CSNK2A2IP: variants seen among roughly 807,000 people sequenced by gnomAD.
CSNK2A2IP encodes casein kinase II subunit alpha'-interacting protein.
the CSNK2A2IP span, among the ~76,000 whole-genome samples, chr3:88,353,843 G>GT: frequency 6.6e-6 from 1 of 152,162 alleles, no homozygotes; most frequent in Non-Finnish European, 1.5e-5. Context: ...TTAGCTGTAT[G>GT]TAAGTCATTA....
the CSNK2A2IP span, among the ~76,000 whole-genome samples, chr3:88,435,808 A>G: frequency 3.3e-5 from 5 of 152,248 alleles, no homozygotes; most frequent in Middle Eastern, 6.8e-3. Context: ...TAAAGATTAT[A>G]GATCTGAATC....
the CSNK2A2IP span, among the ~76,000 whole-genome samples, chr3:88,457,220 G>A: frequency 3.5e-4 from 53 of 152,208 alleles, no homozygotes; most frequent in Admixed American, 2.0e-3. Context: ...CACTTTTAAA[G>A]AGTACTGTTA....
At chr3:88,385,496 C>T in the CSNK2A2IP span, among the ~76,000 whole-genome samples, 1 of 144,818 alleles carries the variant, frequency 6.9e-6, no homozygotes, top group African/African-American at 2.4e-5. Context: ...CAGTAGTAAA[C>T]AACTATGAAA....
At chr3:88,397,571 A>T in the CSNK2A2IP span, among the ~76,000 whole-genome samples, 1 of 152,174 alleles carries the variant, frequency 6.6e-6, no homozygotes, top group African/African-American at 2.4e-5. Flanking sequence ...GTAGTGTATC[A>T]CTAGAAAGAT....
the CSNK2A2IP span, among the ~76,000 whole-genome samples, chr3:88,395,626 T>C: frequency 6.6e-6 from 1 of 152,230 alleles, no homozygotes; most frequent in Non-Finnish European, 1.5e-5. Context: ...AATCAGCTTA[T>C]ACATTTCTAC....
chr3:88,407,364 T>C, the CSNK2A2IP span, among the ~76,000 whole-genome samples: 1 of 151,600 alleles, frequency 6.6e-6, no homozygotes, highest in Non-Finnish European at 1.5e-5. Flanking sequence ...ACATTTAGTA[T>C]GTTAAATGTG....
At chr3:88,433,824 CTGTTGCCTCTGCCCACAGAAAT>C in the CSNK2A2IP span, among the ~76,000 whole-genome samples, 1 of 152,146 alleles carries the variant, frequency 6.6e-6, no homozygotes, top group Non-Finnish European at 1.5e-5. Flanking sequence ...TTACTTATAG[CTGTTGCCTCTGCCCACAGAAAT>C]TGTTGCTTCT....
At chr3:88,464,323 TAAA>T in the CSNK2A2IP span, among the ~76,000 whole-genome samples, 1 of 150,116 alleles carries the variant, frequency 6.7e-6, no homozygotes, top group Non-Finnish European at 1.5e-5. Context: ...TAATAATAAA[TAAA>T]TAAATATATC....
chr3:88,446,777 C>T, the CSNK2A2IP span, among the ~76,000 whole-genome samples: 1 of 152,188 alleles, frequency 6.6e-6, no homozygotes, highest in Non-Finnish European at 1.5e-5. Context: ...CACACATACA[C>T]TTCAGCTATT....
At chr3:88,395,116 T>C in the CSNK2A2IP span, among the ~76,000 whole-genome samples, 1 of 152,258 alleles carries the variant, frequency 6.6e-6, no homozygotes, top group South Asian at 2.1e-4. Context: ...CTCATACTCA[T>C]ATGCAGACGT....
chr3:88,464,883 A>G, the CSNK2A2IP span, among the ~76,000 whole-genome samples: 1 of 152,172 alleles, frequency 6.6e-6, no homozygotes, highest in African/African-American at 2.4e-5. Flanking sequence ...TAAATATCAT[A>G]TTTGTCTATT....
chr3:88,399,634 G>A, the CSNK2A2IP span: 1 of 152,204 alleles, frequency 6.6e-6, no homozygotes, highest in East Asian at 1.9e-4. Context: ...CAGGCACACA[G>A]GCCTGAGACT....
chr3:88,432,645 A>C, the CSNK2A2IP span, among the ~76,000 whole-genome samples: 2 of 151,616 alleles, frequency 1.3e-5, no homozygotes, highest in African/African-American at 2.4e-5. Flanking sequence ...ATAGCTATAA[A>C]AACAATTGAA....
chr3:88,366,593 G>A, the CSNK2A2IP span, among the ~76,000 whole-genome samples: 1 of 152,014 alleles, frequency 6.6e-6, no homozygotes, highest in Non-Finnish European at 1.5e-5. Context: ...ATACATATAG[G>A]ATAACTTTAA....
the CSNK2A2IP span, among the ~76,000 whole-genome samples, chr3:88,344,232 C>T: frequency 6.6e-6 from 1 of 151,476 alleles, no homozygotes; most frequent in African/African-American, 2.4e-5. Context: ...TCTGGCGAGA[C>T]ATGTGGTCAT....
chr3:88,465,908 T>G, the CSNK2A2IP span: 1 of 1,231,498 alleles, frequency 8.1e-7, no homozygotes, highest in Non-Finnish European at 1.0e-6. Flanking sequence ...AGTTCATCAT[T>G]ATTTCGCCTC....
chr3:88,420,727 G>C, the CSNK2A2IP span, among the ~76,000 whole-genome samples: 1 of 152,004 alleles, frequency 6.6e-6, no homozygotes, highest in African/African-American at 2.4e-5. Flanking sequence ...TTATGTCTTT[G>C]GGAATGTATG....
chr3:88,362,223 G>C, the CSNK2A2IP span, among the ~76,000 whole-genome samples: 2 of 152,094 alleles, frequency 1.3e-5, no homozygotes, highest in African/African-American at 4.8e-5. Flanking sequence ...GTCTGGGCTT[G>C]TTTATACCTG....
the CSNK2A2IP span, among the ~76,000 whole-genome samples, chr3:88,385,590 A>G: frequency 6.6e-6 from 1 of 152,160 alleles, no homozygotes. Flanking sequence ...AAAAATGTTT[A>G]TTTTTAAATA....
Sources: gnomAD v4.1 joint callset for allele counts (sites outside exome capture counted in the v4.1 genomes callset) on GRCh38, gnomAD v4.1.1 for gene constraint, MANE v1.5 for transcripts, NCBI Gene and HGNC (gene_info 2026-07-23, HGNC 2026-07-21) for gene names.